The following SEC22C variants were observed in gnomAD, a reference collection of about 807,000 sequenced individuals.
SEC22C encodes the protein vesicle-trafficking protein SEC22c.
In SEC22C, 29 loss-of-function variants were observed where a neutral mutation model predicts 34.7. The ratio of observed to expected loss-of-function variants is 0.84; its 90% CI spans 0.62 to 1.14. The LOEUF (loss-of-function observed/expected upper bound fraction) is 1.14. SEC22C is among the 50% of genes most tolerant of loss of function. SEC22C has a pLI of 0.00. For missense variants in SEC22C, 337 were observed against 369.0 expected (o/e 0.91, Z 0.71); for synonymous variants, 117 against 132.8 (o/e 0.88, Z 0.82).
chr3:42,552,167 T>C lies in SEC22C; in HGVS notation c.*1081A>G. On this transcript the variant is annotated 3_prime_UTR_variant, in exon 7 of 7. Transcript: ENST00000264454. ...TTCCAGAGTATGTGTTAATTATATC[T>C]CTATCAAGCTTTAAAAAGTTAACAG... The C allele has an allele frequency of 2.0e-6, 2 of 985,316 alleles. No individual in the cohort carries two copies. The highest frequency in any genetic ancestry group is 2.4e-6 in the Non-Finnish European group (2 of 829,828). The allele number at this position is 985,316 out of a possible 1,614,324, so 61.0% of individuals were successfully genotyped here. A position where few individuals can be genotyped will look rare whatever the true frequency, so the allele number is the denominator to read the frequency against.
At chr3:42,590,782 A>G (rs940222345) in intron 1 of SEC22C, 5 of 1,048,842 alleles carry the variant, frequency 4.8e-6, no homozygotes, top group South Asian at 2.5e-5. Context: ...GTCACAAATG[A>G]CGTCCCTTCT....
chr3:42,590,806 T>G, intron 1 of SEC22C: 1 of 1,298,858 alleles, frequency 7.7e-7, no homozygotes, highest in South Asian at 1.2e-5. Flanking sequence ...CCCCGCCCTG[T>G]AGGCGGGAGC....
At chr3:42,580,946 G>C (rs1486280609) in intron 1 of SEC22C, among the ~76,000 whole-genome samples, 1 of 152,176 alleles carries the variant, frequency 6.6e-6, no homozygotes, top group Non-Finnish European at 1.5e-5. Flanking sequence ...CTATGATCAT[G>C]TTACTTTTTG....
At position 42,548,897 on chromosome 3, in the gene SEC22C, G is replaced by A. The variant is rs1702115413; in HGVS notation, c.*4351C>T. On this transcript the variant is annotated 3_prime_UTR_variant, in exon 7 of 7. Coordinates refer to ENST00000264454, the MANE Select transcript of SEC22C (RefSeq NM_032970.4). The stretch of plus-strand genomic sequence containing the variant: ...AAGCCTTTCTCCTCCCACACACAAT[G>A]GACTCACCCAGTATTACCCTCCACT... The A allele has an allele frequency of 1.1e-5, 15 of 1,353,804 alleles. No homozygotes were observed. Among genetic ancestry groups the A allele is most frequent in the Non-Finnish European group, 1.4e-5 (15 of 1,050,502 alleles). The allele number at this position is 1,353,804 out of a possible 1,614,324, so 83.9% of individuals were successfully genotyped here. A position where few individuals can be genotyped will look rare whatever the true frequency, so the allele number is the denominator to read the frequency against.
chr3:42,577,607 T>TC (rs1704049292), intron 1 of SEC22C, among the ~76,000 whole-genome samples: 1 of 152,226 alleles, frequency 6.6e-6, no homozygotes, highest in East Asian at 1.9e-4. Flanking sequence ...AGTGACAGTA[T>TC]CAAACACTGG....
At chr3:42,590,218 G>A (rs1415822405) in intron 1 of SEC22C, among the ~76,000 whole-genome samples, 2 of 152,212 alleles carry the variant, frequency 1.3e-5, no homozygotes, top group African/African-American at 4.8e-5. Flanking sequence ...ATTTGGCCTG[G>A]CAGGAGACAA....
chr3:42,564,085 A>G (rs1703090886), intron 2 of SEC22C: 1 of 472,274 alleles, frequency 2.1e-6, no homozygotes, highest in Non-Finnish European at 3.4e-6. Flanking sequence ...AAGTTCCTAC[A>G]TATTCATAAA....
intron 2 of SEC22C, chr3:42,566,719 G>T (rs562558544): frequency 2.0e-5 from 4 of 200,912 alleles, no homozygotes; most frequent in East Asian, 1.4e-4. Context: ...GAGAACAAAA[G>T]GGTGCAAGGC....
chr3:42,563,837 G>T (rs748542540), intron 2 of SEC22C, 151 bp from the exon 3 acceptor site: 1 of 1,522,092 alleles, frequency 6.6e-7, no homozygotes, highest in African/African-American at 1.4e-5. Flanking sequence ...TCTTCAGTTC[G>T]ACCTATTCCT....
chr3:42,549,275 T>C lies in SEC22C; in HGVS notation c.*3973A>G. 1.0e-6 allele frequency: 1 copy of C among 986,272 alleles called. No homozygotes were observed. Among genetic ancestry groups the C allele is most frequent in the Admixed American group, 6.1e-5 (1 of 16,410 alleles). 61.1% of individuals were successfully genotyped at this position (986,272 alleles called of 1,614,324 possible). A position where few individuals can be genotyped will look rare whatever the true frequency, so the allele number is the denominator to read the frequency against. The stretch of plus-strand genomic sequence containing the variant: ...CACCATAAATGCTCCCACCCCTGCC[T>C]GTCCTCACTTGTGCTGCACTATGCA... On this transcript the variant is annotated 3_prime_UTR_variant, in exon 7 of 7. Transcript: ENST00000264454.
intron 1 of SEC22C, among the ~76,000 whole-genome samples, chr3:42,569,290 TTTTC>T (rs1703460628): frequency 6.6e-6 from 1 of 152,208 alleles, no homozygotes; most frequent in South Asian, 2.1e-4. Context: ...GTAATTCTCT[TTTTC>T]TTTTTCTCTA....
At chr3:42,560,132 A>C (rs1480589835) in intron 4 of SEC22C, among the ~76,000 whole-genome samples, 2 of 145,586 alleles carry the variant, frequency 1.4e-5, no homozygotes, top group African/African-American at 2.5e-5. Context: ...ATATATATAT[A>C]TATATAAATA....
rs1431617110 is a variant in SEC22C at position 42,550,182 on chromosome 3, C to T, written c.*3066G>A. The T allele has an allele frequency of 1.0e-6, 1 of 985,374 alleles. No individual in the cohort carries two copies. Among genetic ancestry groups the T allele is most frequent in the Admixed American group, 6.1e-5 (1 of 16,270 alleles). 61.0% of individuals were successfully genotyped at this position (985,374 alleles called of 1,614,324 possible). Reference sequence around the variant, plus strand: ...GATACAGTAGATGGGACTTAACACACTCTGATGCTCAAGGCCTTGCAGCAT... The same window carrying T: ...GATACAGTAGATGGGACTTAACACATTCTGATGCTCAAGGCCTTGCAGCAT... On this transcript the variant is annotated 3_prime_UTR_variant, in exon 7 of 7. Coordinates refer to ENST00000264454, the MANE Select transcript of SEC22C (RefSeq NM_032970.4).
chr3:42,591,313 C>T, intron 1 of SEC22C: 3 of 594,286 alleles, frequency 5.0e-6, no homozygotes, highest in Non-Finnish European at 9.0e-6. Flanking sequence ...AGTCTCCTGC[C>T]TCAGCCTCCT....
intron 2 of SEC22C, among the ~76,000 whole-genome samples, chr3:42,568,338 C>G (rs1703385006): frequency 6.6e-6 from 1 of 151,894 alleles, no homozygotes; most frequent in South Asian, 2.1e-4. Flanking sequence ...ACTCCACTAA[C>G]AGAAGTTAAG....
chr3:42,554,986 A>G (rs1356061189), intron 6 of SEC22C, among the ~76,000 whole-genome samples: 2 of 141,050 alleles, frequency 1.4e-5, no homozygotes, highest in Non-Finnish European at 3.1e-5. Context: ...AACAACAACA[A>G]CAACAACAAC....
intron 3 of SEC22C, among the ~76,000 whole-genome samples, chr3:42,562,729 C>G (rs945654101): frequency 6.6e-6 from 1 of 152,142 alleles, no homozygotes; most frequent in African/African-American, 2.4e-5. Flanking sequence ...CCTCTTCTCC[C>G]AAGAGCTCAA....
chr3:42,597,679 AC>A (rs1378824852), intron 1 of SEC22C, among the ~76,000 whole-genome samples: 150 of 152,338 alleles, frequency 9.8e-4, no homozygotes, highest in Non-Finnish European at 1.9e-4. Flanking sequence ...GCAGCCCAAC[AC>A]AAACTCATAA....
upstream of SEC22C, among the ~76,000 whole-genome samples, chr3:42,586,682 T>C (rs1218045934): frequency 6.6e-6 from 1 of 152,170 alleles, no homozygotes; most frequent in African/African-American, 2.4e-5. Flanking sequence ...CAGCTTCTTT[T>C]CCTCTGCCAT....
Sources: allele counts gnomAD v4.1 joint callset (sites outside exome capture counted in the v4.1 genomes callset), GRCh38; gene constraint gnomAD v4.1.1; transcripts MANE v1.5; gene names NCBI Gene and HGNC (gene_info 2026-07-23, HGNC 2026-07-21).